Variants in GRIN2A observed in about 807,000 individuals in gnomAD.
The protein encoded by GRIN2A is glutamate receptor ionotropic, NMDA 2A.
A neutral mutation model predicts 113.4 loss-of-function variants in GRIN2A; 22 were observed. The ratio of observed to expected loss-of-function variants is 0.19; its 90% CI spans 0.14 to 0.28. The LOEUF is 0.28. Among genes scored for constraint, GRIN2A ranks in the 10% least tolerant of loss-of-function variants. GRIN2A has a pLI of 1.00. For synonymous variants in GRIN2A, 827 were observed against 738.4 expected (o/e 1.12, Z -1.94); for missense variants, 1,502 against 1,887.0 (o/e 0.80, Z 3.78).
At chr16:10,135,941 G>A (rs935797016) in intron 2 of GRIN2A, among the ~76,000 whole-genome samples, 2 of 152,164 alleles carry the variant, frequency 1.3e-5, no homozygotes, top group Non-Finnish European at 2.9e-5. Context: ...AGTTGACACA[G>A]AACTGACAGT....
chr16:10,101,762 C>G (rs936096683), intron 2 of GRIN2A, among the ~76,000 whole-genome samples: 6 of 152,146 alleles, frequency 3.9e-5, no homozygotes, highest in African/African-American at 1.4e-4. Flanking sequence ...TAGAGGGAGA[C>G]AAGAGAAAAA....
rs139111694 is a variant in GRIN2A at position 9,930,598 on chromosome 16, G to A, written c.1007+7361C>T. 3.2e-3 allele frequency among the ~76,000 whole-genome samples: 494 copies of A among 152,296 alleles called. 3 individuals carry two copies. The highest frequency in any genetic ancestry group is 0.011 in the African/African-American group (455 of 41,560). ...CCTCTGAGGTGCCTGATTTCACTGC[G>A]AGAAGTGTTTGTTGAGCATATGGTG... On this transcript the variant is annotated intron_variant, in intron 3 of 12. Transcript: ENST00000330684.
At chr16:10,128,765 A>T (rs2048999357) in intron 2 of GRIN2A, among the ~76,000 whole-genome samples, 1 of 152,258 alleles carries the variant, frequency 6.6e-6, no homozygotes, top group South Asian at 2.1e-4. Flanking sequence ...TGCAAAACAG[A>T]TGCAAAGATC....
At chr16:9,783,564 G>C (rs1295599120) in intron 11 of GRIN2A, among the ~76,000 whole-genome samples, 3 of 152,156 alleles carry the variant, frequency 2.0e-5, no homozygotes, top group Admixed American at 6.5e-5. Context: ...CTTTATTGTG[G>C]TTGGCATGTG....
intron 2 of GRIN2A, among the ~76,000 whole-genome samples, chr16:10,061,573 G>C (rs753085248): frequency 2.0e-5 from 3 of 152,248 alleles, no homozygotes; most frequent in Non-Finnish European, 2.9e-5. Flanking sequence ...CTCCCTTGTT[G>C]CTTCTGAAAA....
chr16:9,798,233 G>A (rs1304552952), intron 11 of GRIN2A, 44 bp downstream of exon 11: 2 of 1,507,782 alleles, frequency 1.3e-6, no homozygotes, highest in Middle Eastern at 1.7e-4. Context: ...GCGAGTGTGA[G>A]GGTCTCAAGT....
intron 2 of GRIN2A, among the ~76,000 whole-genome samples, chr16:10,146,970 T>G (rs1338660986): frequency 6.6e-6 from 1 of 152,050 alleles, no homozygotes; most frequent in Non-Finnish European, 1.5e-5. Flanking sequence ...ATCCTGAATC[T>G]CAGCAAAGAT....
intron 2 of GRIN2A, among the ~76,000 whole-genome samples, chr16:10,159,378 G>A (rs1103655): frequency 0.28 from 42,778 of 152,130 alleles, 6,502 homozygotes; most frequent in South Asian, 0.4. Context: ...GCACCTAGGG[G>A]AACAGGTCAG....
At chr16:9,893,518 G>C (rs1430923166) in intron 3 of GRIN2A, among the ~76,000 whole-genome samples, 1 of 152,136 alleles carries the variant, frequency 6.6e-6, no homozygotes, top group African/African-American at 2.4e-5. Context: ...CCAGGCTGTA[G>C]TGCATTGGCA....
chr16:9,970,430 T>G (rs893835298), intron 2 of GRIN2A, among the ~76,000 whole-genome samples: 1 of 152,186 alleles, frequency 6.6e-6, no homozygotes, highest in Non-Finnish European at 1.5e-5. Context: ...CTTTTCATCT[T>G]ATTAAGCTCA....
At chr16:9,796,143 T>C (rs1157439676) in intron 11 of GRIN2A, among the ~76,000 whole-genome samples, 1 of 152,224 alleles carries the variant, frequency 6.6e-6, no homozygotes, top group Non-Finnish European at 1.5e-5. Flanking sequence ...TGTTTTATAA[T>C]AGATGCTTCG....
chr16:10,089,468 A>C (rs1311859782), intron 2 of GRIN2A, among the ~76,000 whole-genome samples: 2 of 150,024 alleles, frequency 1.3e-5, no homozygotes, highest in Non-Finnish European at 2.9e-5. Context: ...AACGAGAAGC[A>C]TATGGTGGGT....
intron 2 of GRIN2A, among the ~76,000 whole-genome samples, chr16:10,156,685 C>T (rs1308652149): frequency 6.6e-6 from 1 of 152,216 alleles, no homozygotes; most frequent in Non-Finnish European, 1.5e-5. Context: ...ATGGAAAAGG[C>T]ACCTTGGAGA....
intron 2 of GRIN2A, among the ~76,000 whole-genome samples, chr16:10,125,462 A>G (rs2048913941): frequency 6.6e-6 from 1 of 152,024 alleles, no homozygotes; most frequent in Non-Finnish European, 1.5e-5. Flanking sequence ...CAAGCTCAGC[A>G]CTCCCAAGGA....
chr16:9,926,919 C>T (rs1466383398), intron 3 of GRIN2A, among the ~76,000 whole-genome samples: 1 of 83,482 alleles, frequency 1.2e-5, no homozygotes, highest in Non-Finnish European at 2.4e-5. Flanking sequence ...AGGAAAAACA[C>T]TCTAAGTTTA....
chr16:10,098,738 G>T (rs903318015), intron 2 of GRIN2A, among the ~76,000 whole-genome samples: 4 of 152,160 alleles, frequency 2.6e-5, no homozygotes, highest in Non-Finnish European at 4.4e-5. Flanking sequence ...GTTCTCACTT[G>T]TAAGTGAGAG....
intron 2 of GRIN2A, among the ~76,000 whole-genome samples, chr16:9,985,315 T>C (rs1370869633): frequency 1.3e-5 from 2 of 152,230 alleles, no homozygotes; most frequent in African/African-American, 2.4e-5. Context: ...TTTTGGTTTT[T>C]ACCTGCCTTT....
intron 2 of GRIN2A, among the ~76,000 whole-genome samples, chr16:10,124,651 T>C (rs549829060): frequency 4.6e-5 from 7 of 152,306 alleles, no homozygotes; most frequent in South Asian, 2.1e-4. Flanking sequence ...ACAGTCACAA[T>C]TGATAACTAG....
intron 7 of GRIN2A, among the ~76,000 whole-genome samples, chr16:9,837,972 A>G (rs1045482459): frequency 6.6e-6 from 1 of 152,228 alleles, no homozygotes; most frequent in Non-Finnish European, 1.5e-5. Flanking sequence ...AAATGAAAAC[A>G]GTAAATCCAT....
Sources: gnomAD v4.1 joint callset for allele counts (sites outside exome capture counted in the v4.1 genomes callset) on GRCh38, gnomAD v4.1.1 for gene constraint, MANE v1.5 for transcripts, NCBI Gene and HGNC (gene_info 2026-07-23, HGNC 2026-07-21) for gene names.